The following ABCB11 variants were observed in gnomAD, a reference collection of about 807,000 sequenced individuals.
ABCB11 encodes bile salt export pump.
A neutral mutation model predicts 148.0 loss-of-function variants in ABCB11; 95 were observed. The observed-to-expected ratio is 0.64, with a 90% CI of 0.54 to 0.76. ABCB11 has a LOEUF of 0.76. Ranked by LOEUF, ABCB11 falls within the 30% of genes least tolerant of loss-of-function variation. ABCB11 has a pLI of 0.00. For synonymous variants in ABCB11, 591 were observed against 555.4 expected (o/e 1.06, Z -0.90); for missense variants, 1,523 against 1,617.8 (o/e 0.94, Z 1.01).
rs781193495 is a variant in ABCB11, at chr2:169,013,527, TTCAGAGA to T, written c.151-24_151-18del. The T allele has an allele frequency of 1.2e-6, 2 of 1,601,670 alleles. No individual in the cohort carries two copies. The highest frequency in any genetic ancestry group is 3.4e-5 in the Admixed American group (2 of 59,630). ...AAACCGAAACTTGAAAAACAAAGGG[TTCAGAGA>T]TCATCTATGGGTGAAGAGCAGGAGA... On this transcript the variant is annotated intron_variant, in intron 4 of 27. Transcript: ENST00000650372.
chr2:168,916,434 G>A (rs765500846), downstream of ABCB11, among the ~76,000 whole-genome samples: 3 of 152,056 alleles, frequency 2.0e-5, no homozygotes, highest in Non-Finnish European at 2.9e-5. Context: ...AGTTGCATTC[G>A]GATAGCCACA....
chr2:168,979,065 A>G (rs780653876), intron 11 of ABCB11, among the ~76,000 whole-genome samples: 129 of 152,262 alleles, frequency 8.5e-4, no homozygotes, highest in Non-Finnish European at 1.4e-3. Flanking sequence ...GTGTGCTTCC[A>G]TAGACTAACC....
At chr2:168,969,289 TA>T in intron 16 of ABCB11, 60 bp downstream of exon 16, 2 of 1,460,166 alleles carry the variant, frequency 1.4e-6, no homozygotes, top group Middle Eastern at 1.7e-4. Context: ...TAGAAAACCG[TA>T]AAGCACTATA....
At chr2:169,022,454 GTTAAGA>G (rs1024952999) in intron 1 of ABCB11, among the ~76,000 whole-genome samples, 2 of 151,772 alleles carry the variant, frequency 1.3e-5, no homozygotes, top group African/African-American at 4.8e-5. Context: ...TGAAAACCAG[GTTAAGA>G]TTAATTTTCT....
intron 19 of ABCB11, among the ~76,000 whole-genome samples, chr2:168,948,757 G>T (rs941571983): frequency 6.6e-6 from 1 of 151,738 alleles, no homozygotes; most frequent in Admixed American, 6.6e-5. Flanking sequence ...GTTAATCAAA[G>T]TTGAGTGTTT....
intron 25 of ABCB11, among the ~76,000 whole-genome samples, chr2:168,929,303 T>A (rs530792068): frequency 2.6e-5 from 4 of 152,250 alleles, no homozygotes; most frequent in African/African-American, 9.6e-5. Flanking sequence ...GGATGATGAC[T>A]GTTCAACAGG....
chr2:168,946,794 A>G (rs1692343393), intron 19 of ABCB11, among the ~76,000 whole-genome samples: 1 of 151,712 alleles, frequency 6.6e-6, no homozygotes, highest in Non-Finnish European at 1.5e-5. Context: ...TAGATAAGAA[A>G]ATGCCTGTTT....
In ABCB11 at chr2:168,944,957, A is replaced by G; in HGVS notation, c.2348T>C (p.Phe783Ser). 6.5e-7 allele frequency: 1 copy of G among 1,535,488 alleles called. No individual in the cohort carries two copies. ...AFLFSQILGTFSIPDKEEQRS... is the reference protein window; with the variant it reads ...AFLFSQILGTSSIPDKEEQRS... Reference sequence around the variant, plus strand: ...TTGTTCCTCTTTATCAGGAATTGAAAAAGTCTTGGAAAGATAGTAAACAAG... The same window carrying G: ...TTGTTCCTCTTTATCAGGAATTGAAGAAGTCTTGGAAAGATAGTAAACAAG... The change falls in exon 20 of 28, where the codon TTT becomes TCT. Residue 783 changes from phenylalanine (F) to serine (S), a missense_variant. By Grantham distance (155) the Phe-to-Ser change is radical. Transcript: ENST00000650372.
At chr2:169,014,222 C>T (rs1695283680) in intron 4 of ABCB11, 81 bp downstream of exon 4, 2 of 1,383,418 alleles carry the variant, frequency 1.4e-6, no homozygotes, top group African/African-American at 1.4e-5. Flanking sequence ...GCCAATATGA[C>T]TAAAGATTTA....
chr2:168,968,557 C>A (rs1303850056), intron 16 of ABCB11, 67 bp from the exon 17 acceptor site: 4 of 1,291,618 alleles, frequency 3.1e-6, no homozygotes, highest in Non-Finnish European at 4.3e-6. Context: ...AAGTAGAATT[C>A]TTTACTATGT....
At position 169,031,216 on chromosome 2, in the gene ABCB11, G is replaced by A. The variant is rs1004323291; in HGVS notation, c.-28+9C>T. ...AATGGATTTGCAGAGACAAGTATAA[G>A]TTACTTACCTGTGAATATGAATTTG... On this transcript the variant is annotated intron_variant, in intron 1 of 27. Transcript: ENST00000650372. 1.3e-5 allele frequency: 2 copies of A among 152,186 alleles called. No homozygotes were observed. Among genetic ancestry groups the A allele is most frequent in the Non-Finnish European group, 2.9e-5 (2 of 68,038 alleles). The allele number at this position is 152,186 out of a possible 1,614,324, so 9.4% of individuals were successfully genotyped here.
chr2:168,943,838 T>C (rs1255923077), intron 21 of ABCB11, among the ~76,000 whole-genome samples: 2 of 152,082 alleles, frequency 1.3e-5, no homozygotes, highest in Admixed American at 1.3e-4. Flanking sequence ...GTTTTAAAAT[T>C]GTACTTAAAA....
Position 168,964,213 on chromosome 2 carries a change from T to A in ABCB11, c.2171A>T (p.Asp724Val). ...AAGCAGTTGGTGCCTGACCTTTCTA[T>A]CTTCTTCATAGGTAGACTTATGATC... ...VVDHKSTYEE[D>V]RKDKDIPVQE... is the part of the protein sequence containing the mutation. Residue 724 changes from aspartate (D) to valine (V), a missense_variant, in exon 18 of 28, where the codon GAT becomes GTT. Coordinates refer to ENST00000650372, the MANE Select transcript of ABCB11 (RefSeq NM_003742.4). 6.4e-7 allele frequency: 1 copy of A among 1,554,406 alleles called. No homozygotes were observed.
rs1354701256 is a variant in ABCB11 at position 168,922,594 on chromosome 2, A to C, written c.*1028T>G. 1.3e-5 allele frequency among the ~76,000 whole-genome samples: 2 copies of C among 152,102 alleles called. No homozygotes were observed. The highest frequency in any genetic ancestry group is 2.9e-5 in the Non-Finnish European group (2 of 68,010). On this transcript the variant is annotated 3_prime_UTR_variant, in exon 28 of 28. Transcript: ENST00000650372. ...ACATTTTTGTTTTCTCTCATCTTGT[A>C]ACTCTATTATCAATTGTCCATTTGC...
At position 168,924,269 on chromosome 2, in the gene ABCB11, C is replaced by A. The variant is rs1402836; in HGVS notation, c.3765+388G>T. The stretch of plus-strand genomic sequence containing the variant: ...TTGCTCAATTGCATCTTCTTTCATG[C>A]AAACCACACATCAGATATCACCTCT... On this transcript the variant is annotated intron_variant, in intron 27 of 27. Coordinates refer to ENST00000650372, the MANE Select transcript of ABCB11 (RefSeq NM_003742.4). 9.5e-3 allele frequency among the ~76,000 whole-genome samples: 1,442 copies of A among 152,300 alleles called. 16 individuals carry two copies. Among genetic ancestry groups the A allele is most frequent in the African/African-American group, 0.031 (1,270 of 41,554 alleles).
intron 7 of ABCB11, among the ~76,000 whole-genome samples, chr2:168,994,578 C>T (rs974845918): frequency 5.9e-5 from 9 of 151,982 alleles, no homozygotes; most frequent in African/African-American, 1.7e-4. Context: ...TATAGGACAG[C>T]GCCTATCATA....
At chr2:168,933,064 G>A (rs1324687287) in intron 23 of ABCB11, among the ~76,000 whole-genome samples, 11 of 148,414 alleles carry the variant, frequency 7.4e-5, no homozygotes, top group Non-Finnish European at 1.5e-4. Context: ...AGCCAAGATC[G>A]CGCCACTGCA....
At position 169,022,924 on chromosome 2, in the gene ABCB11, C is replaced by A. The variant is rs537372760; in HGVS notation, c.-27-4772G>T. On this transcript the variant is annotated intron_variant, in intron 1 of 27. Coordinates refer to ENST00000650372, the MANE Select transcript of ABCB11 (RefSeq NM_003742.4). ...AAAGTATTCAGTAAAAATCATTATC[C>A]ATTCCTGTTTTGAAAACCTATAAAA... is the stretch of plus-strand genomic sequence containing the variant. 1.2e-3 allele frequency among the ~76,000 whole-genome samples: 187 copies of A among 151,914 alleles called. 3 individuals are homozygous for A. The highest frequency in any genetic ancestry group is 4.1e-3 in the African/African-American group (171 of 41,432).
At chr2:168,972,213 A>G (rs1317320212) in intron 13 of ABCB11, among the ~76,000 whole-genome samples, 163 bp from the exon 14 acceptor site, 2 of 152,088 alleles carry the variant, frequency 1.3e-5, no homozygotes, top group African/African-American at 2.4e-5. Context: ...GGATGATAAC[A>G]TGTAATTGAA....
Sources: allele counts gnomAD v4.1 joint callset (sites outside exome capture counted in the v4.1 genomes callset), GRCh38; gene constraint gnomAD v4.1.1; transcripts MANE v1.5; gene names NCBI Gene and HGNC (gene_info 2026-07-23, HGNC 2026-07-21).